PTPRR: variants seen among roughly 807,000 people sequenced by gnomAD.
PTPRR encodes receptor-type tyrosine-protein phosphatase R.
PTPRR carries 38 observed loss-of-function variants against 77.2 expected under a neutral mutation model. The observed-to-expected ratio is 0.49, with a 90% CI of 0.38 to 0.65. The LOEUF is 0.65. Among genes scored for constraint, PTPRR ranks in the 30% least tolerant of loss-of-function variants. PTPRR has a pLI of 0.00. For synonymous variants in PTPRR, 299 were observed against 283.1 expected (o/e 1.06, Z -0.57); for missense variants, 744 against 799.2 (o/e 0.93, Z 0.83).
At chr12:70,701,399 C>T (rs1888420580) in intron 6 of PTPRR, 76 bp from the exon 7 acceptor site, 1 of 1,294,572 alleles carries the variant, frequency 7.7e-7, no homozygotes, top group Non-Finnish European at 1.1e-6. Flanking sequence ...TCTGTACATG[C>T]ACACAATTCA....
At chr12:70,877,349 G>A (rs948728979) in intron 2 of PTPRR, among the ~76,000 whole-genome samples, 2 of 152,114 alleles carry the variant, frequency 1.3e-5, no homozygotes, top group Non-Finnish European at 2.9e-5. Context: ...TGAAAACCCT[G>A]TCAATTATCA....
At chr12:70,831,961 A>G (rs1052015101) in intron 2 of PTPRR, among the ~76,000 whole-genome samples, 2 of 152,332 alleles carry the variant, frequency 1.3e-5, no homozygotes, top group South Asian at 2.1e-4. Context: ...TAATGTTCAC[A>G]TTCTGAAACA....
intron 10 of PTPRR, among the ~76,000 whole-genome samples, chr12:70,669,196 T>C (rs1232018191): frequency 6.6e-6 from 1 of 152,156 alleles, no homozygotes; most frequent in Non-Finnish European, 1.5e-5. Context: ...CTCTCACCTG[T>C]GCATTTCTCC....
chr12:70,827,943 C>T (rs572369672), intron 2 of PTPRR, among the ~76,000 whole-genome samples: 6 of 152,044 alleles, frequency 3.9e-5, no homozygotes, highest in Admixed American at 2.6e-4. Context: ...CTCACTTGAA[C>T]TCCTGACTTC....
At position 70,754,366 on chromosome 12, in the gene PTPRR, G is replaced by C. The variant is rs192848080; in HGVS notation, c.628-65C>G. 6.9e-6 allele frequency: 11 copies of C among 1,598,546 alleles called. 1 individual carries two copies. The East Asian group carries it at 2.5e-4, about 36-fold the overall frequency. The stretch of plus-strand genomic sequence containing the variant: ...CTTGAGAAAACTGGCGTTCTTATCA[G>C]ACACTAAACATATTTTTAGCCTTAT... On this transcript the variant is annotated intron_variant, in intron 4 of 13. Transcript: ENST00000283228.
intron 10 of PTPRR, among the ~76,000 whole-genome samples, chr12:70,681,520 A>C (rs1398603): frequency 0.83 from 126,246 of 152,120 alleles, 53,139 homozygotes; most frequent in East Asian, 0.94. Context: ...CTGAGCTAAT[A>C]CTGGCTGGGG....
intron 1 of PTPRR, among the ~76,000 whole-genome samples, chr12:70,918,322 T>C (rs1893804580): frequency 6.6e-6 from 1 of 152,230 alleles, no homozygotes; most frequent in Admixed American, 6.5e-5. Context: ...CACCAATGTA[T>C]TTTACTATAT....
Position 70,707,969 on chromosome 12 carries a change from C to T in PTPRR, c.1008-6646G>A, listed in dbSNP as rs145472356. On this transcript the variant is annotated intron_variant, in intron 6 of 13. Coordinates refer to ENST00000283228, the MANE Select transcript of PTPRR (RefSeq NM_002849.4). ...GTATTTCTCCATCCTCATCTCCTGT[C>T]ACATTCTCATCCGGACCTGTGTCCC... Among the ~76,000 whole-genome samples, 713 of 152,156 alleles carry T rather than the reference C, an allele frequency of 4.7e-3. 3 individuals carry two copies. The highest frequency in any genetic ancestry group is 8.6e-3 in the Non-Finnish European group (584 of 68,000).
At chr12:70,768,076 C>T (rs11520183) in intron 2 of PTPRR, among the ~76,000 whole-genome samples, 7,799 of 151,836 alleles carry the variant, frequency 0.051, 255 homozygotes, top group Admixed American at 0.08. Flanking sequence ...AGATCCAAAA[C>T]TGACACCCTA....
chr12:70,703,066 C>A (rs1393439025), intron 6 of PTPRR, among the ~76,000 whole-genome samples: 1 of 151,198 alleles, frequency 6.6e-6, no homozygotes, highest in East Asian at 1.9e-4. Flanking sequence ...TTTGTCAAAG[C>A]CTGAGATATG....
chr12:70,641,747 G>T (rs1886010789), intron 13 of PTPRR, among the ~76,000 whole-genome samples: 1 of 152,098 alleles, frequency 6.6e-6, no homozygotes. Context: ...AATTTTAGAG[G>T]CAGCCTTTTC....
At chr12:70,835,824 G>A (rs1299981440) in intron 2 of PTPRR, among the ~76,000 whole-genome samples, 1 of 152,032 alleles carries the variant, frequency 6.6e-6, no homozygotes, top group Non-Finnish European at 1.5e-5. Context: ...AATTGTTGGG[G>A]AAAGTGAGCC....
chr12:70,879,922 C>A (rs888491603), intron 2 of PTPRR, among the ~76,000 whole-genome samples: 7 of 152,056 alleles, frequency 4.6e-5, no homozygotes, highest in Non-Finnish European at 8.8e-5. Flanking sequence ...GGTTAGTTCA[C>A]AAAATAAATT....
At chr12:70,649,773 C>T (rs1292946276) in intron 13 of PTPRR, among the ~76,000 whole-genome samples, 16 of 152,048 alleles carry the variant, frequency 1.1e-4, no homozygotes, top group Admixed American at 1.0e-3. Context: ...TGGGGTTTCA[C>T]CATGTTGGCC....
At chr12:70,896,535 T>C (rs1296602436) in intron 1 of PTPRR, among the ~76,000 whole-genome samples, 2 of 151,496 alleles carry the variant, frequency 1.3e-5, no homozygotes, top group Non-Finnish European at 3.0e-5. Flanking sequence ...TCTTTGACCA[T>C]GAAGGAATTA....
intron 2 of PTPRR, among the ~76,000 whole-genome samples, chr12:70,808,799 CT>C (rs1166094538): frequency 5.3e-5 from 8 of 152,290 alleles, no homozygotes; most frequent in African/African-American, 1.9e-4. Context: ...ATTTTTACCC[CT>C]ATTGCCTTTC....
At chr12:70,876,444 C>G (rs889339161) in intron 2 of PTPRR, among the ~76,000 whole-genome samples, 1 of 152,018 alleles carries the variant, frequency 6.6e-6, no homozygotes, top group African/African-American at 2.4e-5. Context: ...AGTGTATATA[C>G]AAACGTGAAA....
chr12:70,844,243 T>C lies in PTPRR; in HGVS notation c.357+48436A>G, dbSNP rs189020469. 2.5e-3 allele frequency among the ~76,000 whole-genome samples: 385 copies of C among 152,256 alleles called. 1 individual carries two copies. Among genetic ancestry groups the C allele is most frequent in the Non-Finnish European group, 4.6e-3 (313 of 68,012 alleles). Reference sequence around the variant, plus strand: ...CACTCCATTTTAAAGAAACCAAAAATGAATTAGAGATGATACATTTTGAGC... The same window carrying C: ...CACTCCATTTTAAAGAAACCAAAAACGAATTAGAGATGATACATTTTGAGC... On this transcript the variant is annotated intron_variant, in intron 2 of 13. Coordinates refer to ENST00000283228, the MANE Select transcript of PTPRR (RefSeq NM_002849.4).
At chr12:70,813,023 A>G (rs571038342) in intron 2 of PTPRR, among the ~76,000 whole-genome samples, 3 of 152,348 alleles carry the variant, frequency 2.0e-5, no homozygotes, top group African/African-American at 7.2e-5. Flanking sequence ...ACTCTCCGAC[A>G]TAATTTGCTA....
Sources: allele counts gnomAD v4.1 joint callset (sites outside exome capture counted in the v4.1 genomes callset), GRCh38; gene constraint gnomAD v4.1.1; transcripts MANE v1.5; gene names NCBI Gene and HGNC (gene_info 2026-07-23, HGNC 2026-07-21).